Variants in ARHGEF11 observed in about 807,000 individuals in gnomAD.
ARHGEF11 encodes Rho guanine nucleotide exchange factor 11, also known as Rho guanine exchange factor (GEF) 11.
In ARHGEF11, 55 loss-of-function variants were observed where a neutral mutation model predicts 193.7. The ratio of observed to expected loss-of-function variants is 0.28; its 90% CI spans 0.23 to 0.36. The LOEUF (loss-of-function observed/expected upper bound fraction) is 0.36. Among genes scored for constraint, ARHGEF11 ranks in the 10% least tolerant of loss-of-function variants. The pLI, the probability that ARHGEF11 is intolerant of heterozygous loss-of-function variation, is 1.00. For synonymous variants in ARHGEF11, 693 were observed against 768.0 expected (o/e 0.90, Z 1.62); for missense variants, 1,723 against 2,005.6 (o/e 0.86, Z 2.69).
intron 17 of ARHGEF11, 71 bp downstream of exon 17, chr1:156,958,671 A>T: frequency 6.3e-7 from 1 of 1,598,052 alleles, no homozygotes. Context: ...AGAGGTTGAA[A>T]GAACAGACCC....
Position 156,948,698 on chromosome 1 carries a change from C to G in ARHGEF11, c.1926-200G>C, listed in dbSNP as rs1013236068. On this transcript the variant is annotated intron_variant, in intron 22 of 40. Transcript: ENST00000368194. The surrounding 1 kb of genome is among the most constrained non-coding windows in gnomAD (Gnocchi z 4.2). ...TTTTGCTGCTCTACAAACTCCTCCTCTCTCCCCAGCCTAGCCTGATGGATG... is the reference window on the plus strand; with the variant it reads ...TTTTGCTGCTCTACAAACTCCTCCTGTCTCCCCAGCCTAGCCTGATGGATG... The G allele has an allele frequency of 7.9e-6, 12 of 1,524,432 alleles. No homozygotes were observed. Among genetic ancestry groups the G allele is most frequent in the African/African-American group, 4.1e-5 (3 of 72,864 alleles). 94.4% of individuals were successfully genotyped at this position (1,524,432 alleles called of 1,614,324 possible).
chr1:157,045,165 G>A lies in ARHGEF11; in HGVS notation c.-835C>T, dbSNP rs1470047523. 6.6e-6 allele frequency: 1 copy of A among 152,066 alleles called. No individual in the cohort carries two copies. Among genetic ancestry groups the A allele is most frequent in the Non-Finnish European group, 1.5e-5 (1 of 68,026 alleles). 9.4% of individuals were successfully genotyped at this position (152,066 alleles called of 1,614,324 possible). On this transcript the variant is annotated 5_prime_UTR_variant, in exon 1 of 41. Coordinates refer to ENST00000368194, the MANE Select transcript of ARHGEF11 (RefSeq NM_198236.3). Reference sequence around the variant, plus strand: ...ATGGTAGTAATGATAACAAACCAGAGATAATCTCTGAAAATATTCTCTCCT... The same window carrying A: ...ATGGTAGTAATGATAACAAACCAGAAATAATCTCTGAAAATATTCTCTCCT...
At position 156,948,681 on chromosome 1, in the gene ARHGEF11, C is replaced by T; in HGVS notation, c.1926-183G>A. ...TCTCAATGACAGACTATTTTTGCTG[C>T]TCTACAAACTCCTCCTCTCTCCCCA... On this transcript the variant is annotated intron_variant, in intron 22 of 40. Coordinates refer to ENST00000368194, the MANE Select transcript of ARHGEF11 (RefSeq NM_198236.3). This position sits in a 1 kb window ranked among gnomAD's most constrained non-coding sequence, Gnocchi z 4.2. 6.5e-7 allele frequency: 1 copy of T among 1,532,828 alleles called. No individual in the cohort carries two copies. Among genetic ancestry groups the T allele is most frequent in the African/African-American group, 1.4e-5 (1 of 73,118 alleles). 95.0% of individuals were successfully genotyped at this position (1,532,828 alleles called of 1,614,324 possible). A position where few individuals can be genotyped will look rare whatever the true frequency, so the allele number is the denominator to read the frequency against.
At position 156,963,288 on chromosome 1, in the gene ARHGEF11, T is replaced by A; in HGVS notation, c.1055A>T (p.Gln352Leu). The A allele has an allele frequency of 6.2e-7, 1 of 1,614,078 alleles. No homozygotes were observed. The highest frequency in any genetic ancestry group is 1.1e-5 in the South Asian group (1 of 91,038). Residue 352 changes from glutamine (Q) to leucine (L), a missense_variant, in exon 13 of 41, where the codon CAG becomes CTG. Physicochemically the swap from Gln to Leu is moderately radical, Grantham distance 113. Around this residue, in one of 5 missense-constraint regions of ARHGEF11, gnomAD observed 646 missense variants for 710.7 expected, o/e 0.91. Transcript: ENST00000368194. ...YFNNESDIIF[Q>L]DLEKLKSRPA... The stretch of plus-strand genomic sequence containing the variant: ...CCGAGACTTCAGTTTCTCCAGATCC[T>A]GGAATATGATGTCGCTCTGGAAGGC...
intron 1 of ARHGEF11, among the ~76,000 whole-genome samples, chr1:156,990,558 A>G (rs1665558810): frequency 6.6e-6 from 1 of 152,222 alleles, no homozygotes. Context: ...GCAATTTGCT[A>G]ATTCTATCAT....
At chr1:157,016,242 AT>A (rs762398766) in intron 1 of ARHGEF11, among the ~76,000 whole-genome samples, 1 of 151,734 alleles carries the variant, frequency 6.6e-6, no homozygotes, top group African/African-American at 2.4e-5. Flanking sequence ...TTATCTTTTT[AT>A]TTTTTTTGAG....
chr1:156,976,896 A>C, intron 7 of ARHGEF11, 87 bp downstream of exon 7: 1 of 1,237,186 alleles, frequency 8.1e-7, no homozygotes, highest in Non-Finnish European at 1.2e-6. Context: ...ATTGCCTGTA[A>C]ATTAAGTTGT....
At chr1:156,936,121 GTCTAGAAAGT>G in intron 40 of ARHGEF11, 63 bp from the exon 41 acceptor site, 7 of 1,528,452 alleles carry the variant, frequency 4.6e-6, no homozygotes, top group Non-Finnish European at 6.4e-6. Context: ...CACATGTTTT[GTCTAGAAAGT>G]TCAGGCTCAC....
intron 1 of ARHGEF11, among the ~76,000 whole-genome samples, chr1:156,988,792 A>G (rs1325507501): frequency 1.3e-5 from 2 of 152,232 alleles, no homozygotes; most frequent in African/African-American, 4.8e-5. Flanking sequence ...TACTTGCAAC[A>G]GATGCAAAAA....
intron 18 of ARHGEF11, among the ~76,000 whole-genome samples, chr1:156,956,901 G>T (rs551531435): frequency 1.3e-5 from 2 of 152,278 alleles, no homozygotes; most frequent in East Asian, 3.9e-4. Context: ...ATAATTTCCT[G>T]CCTGGTCAAG....
intron 1 of ARHGEF11, among the ~76,000 whole-genome samples, chr1:157,037,097 T>C (rs1339085682): frequency 6.6e-6 from 1 of 152,104 alleles, no homozygotes; most frequent in Non-Finnish European, 1.5e-5. Context: ...CATGGCACTG[T>C]AGCCTGCGTA....
chr1:156,967,929 G>A (rs754487221), intron 11 of ARHGEF11, 58 bp downstream of exon 11: 137 of 1,610,784 alleles, frequency 8.5e-5, no homozygotes, highest in Non-Finnish European at 1.1e-4. Flanking sequence ...TAACACCCAT[G>A]CCTCCAAATC....
At chr1:156,976,886 A>G in intron 7 of ARHGEF11, 97 bp downstream of exon 7, 1 of 1,100,036 alleles carries the variant, frequency 9.1e-7, no homozygotes, top group South Asian at 1.3e-5. Context: ...GTGATAGGAT[A>G]TTGCCTGTAA....
At chr1:156,996,186 T>C (rs1258306628) in intron 1 of ARHGEF11, among the ~76,000 whole-genome samples, 2 of 152,284 alleles carry the variant, frequency 1.3e-5, no homozygotes, top group East Asian at 3.9e-4. Flanking sequence ...GTAAGAACTA[T>C]TTAAGCTCCT....
chr1:156,980,543 C>T (rs368852567), intron 3 of ARHGEF11, 57 bp from the exon 4 acceptor site: 28 of 1,544,002 alleles, frequency 1.8e-5, no homozygotes, highest in South Asian at 7.1e-5. Flanking sequence ...TGAAGCTACA[C>T]GAAGGTCCCT....
At chr1:156,975,136 G>A (rs1164055882) in intron 7 of ARHGEF11, among the ~76,000 whole-genome samples, 2 of 152,176 alleles carry the variant, frequency 1.3e-5, no homozygotes, top group African/African-American at 4.8e-5. Flanking sequence ...ACCATCAATG[G>A]CGGAATAGAT....
At chr1:156,979,360 ACTT>A in intron 4 of ARHGEF11, 74 bp from the exon 5 acceptor site, 2 of 737,712 alleles carry the variant, frequency 2.7e-6, no homozygotes, top group Non-Finnish European at 3.8e-6. Flanking sequence ...TCAAAATGCC[ACTT>A]TTTTTTTTTT....
intron 11 of ARHGEF11, 127 bp from the exon 12 acceptor site, chr1:156,963,721 A>G (rs545428474): frequency 6.7e-7 from 1 of 1,483,810 alleles, no homozygotes; most frequent in East Asian, 2.3e-5. Context: ...GAACGTTGGC[A>G]TCTCACTCCC....
intron 11 of ARHGEF11, chr1:156,963,822 G>T: frequency 7.6e-7 from 1 of 1,308,950 alleles, no homozygotes; most frequent in Non-Finnish European, 9.9e-7. Context: ...GAGCAGCCTG[G>T]TCACATGACA....
Sources: gnomAD v4.1 joint callset for allele counts (sites outside exome capture counted in the v4.1 genomes callset) on GRCh38, gnomAD v4.1.1 for gene constraint, gnomAD v4.1.1 regional missense constraint, Gnocchi (gnomAD v3.1) non-coding constraint, MANE v1.5 for transcripts, NCBI Gene and HGNC (gene_info 2026-07-23, HGNC 2026-07-21) for gene names.